The following NXPH1 variants were observed in gnomAD, a reference collection of about 807,000 sequenced individuals.
NXPH1 encodes neurexophilin-1.
In NXPH1, 5 loss-of-function variants were observed where a neutral mutation model predicts 23.7. That is an observed-to-expected ratio of 0.21 (90% CI 0.11 to 0.44). The LOEUF is 0.44. Among genes scored for constraint, NXPH1 ranks in the 20% least tolerant of loss-of-function variants. NXPH1 has a pLI of 0.99. For missense variants in NXPH1, 324 were observed against 321.6 expected (o/e 1.01, Z -0.06); for synonymous variants, 144 against 122.2 (o/e 1.18, Z -1.18).
At position 8,532,337 on chromosome 7, in the gene NXPH1, G is replaced by A. The variant is rs376478142; in HGVS notation, c.54+96570G>A. On this transcript the variant is annotated intron_variant, in intron 2 of 2. Coordinates refer to ENST00000405863, the MANE Select transcript of NXPH1 (RefSeq NM_152745.3). ...CCAGTGTAAGATAAAAATCAATCCCGCTCAAACAGACACCTTCAGGCAGGA... is the reference window on the plus strand; with the variant it reads ...CCAGTGTAAGATAAAAATCAATCCCACTCAAACAGACACCTTCAGGCAGGA... Among the ~76,000 whole-genome samples the A allele has an allele frequency of 1.4e-4, 21 of 151,998 alleles. No homozygotes were observed. In the East Asian group the frequency reaches 3.1e-3, roughly 22 times the overall value.
At chr7:8,465,247 A>G (rs1816766087) in intron 2 of NXPH1, among the ~76,000 whole-genome samples, 1 of 152,236 alleles carries the variant, frequency 6.6e-6, no homozygotes, top group African/African-American at 2.4e-5. Context: ...TTATTATAGC[A>G]TCTTTACAGA....
intron 2 of NXPH1, among the ~76,000 whole-genome samples, chr7:8,661,557 G>A (rs2115162086): frequency 6.6e-6 from 1 of 152,164 alleles, no homozygotes; most frequent in Non-Finnish European, 1.5e-5. Context: ...GGGCTTTACT[G>A]GCCCAACCAG....
chr7:8,674,278 A>G (rs77753632), intron 2 of NXPH1, among the ~76,000 whole-genome samples: 2,652 of 152,140 alleles, frequency 0.017, 79 homozygotes, highest in African/African-American at 0.06. Context: ...GGAAAAATTG[A>G]AGATGAGAAA....
chr7:8,609,732 C>A (rs73676091), intron 2 of NXPH1, among the ~76,000 whole-genome samples: 3 of 152,246 alleles, frequency 2.0e-5, no homozygotes, highest in Admixed American at 6.5e-5. Flanking sequence ...CAACATGACA[C>A]AATTTTAATA....
At chr7:8,653,430 G>A (rs1408579651) in intron 2 of NXPH1, among the ~76,000 whole-genome samples, 1 of 152,096 alleles carries the variant, frequency 6.6e-6, no homozygotes, top group East Asian at 1.9e-4. Flanking sequence ...TATAGCGCTC[G>A]TAAGCTCTGG....
At chr7:8,437,727 C>G (rs974765417) in intron 2 of NXPH1, among the ~76,000 whole-genome samples, 2 of 152,228 alleles carry the variant, frequency 1.3e-5, no homozygotes, top group African/African-American at 2.4e-5. Context: ...CAACAACAAG[C>G]GCATTAATTC....
intron 2 of NXPH1, among the ~76,000 whole-genome samples, chr7:8,713,718 G>C (rs1779832312): frequency 6.6e-6 from 1 of 152,190 alleles, no homozygotes; most frequent in Admixed American, 6.5e-5. Context: ...CAGATTTACA[G>C]AGTTATCACC....
intron 2 of NXPH1, among the ~76,000 whole-genome samples, chr7:8,467,892 G>A (rs1231524973): frequency 1.3e-5 from 2 of 152,104 alleles, no homozygotes; most frequent in African/African-American, 4.8e-5. Context: ...TTTATTTTGA[G>A]TCAGCTTCTA....
intron 2 of NXPH1, among the ~76,000 whole-genome samples, chr7:8,554,568 C>T (rs1183991104): frequency 6.6e-6 from 1 of 151,612 alleles, no homozygotes; most frequent in Admixed American, 6.6e-5. Flanking sequence ...ATCTATGTTC[C>T]ACATACTTCC....
In NXPH1 at chr7:8,599,400, C is replaced by G. The variant is rs926597175; in HGVS notation, c.55-151608C>G. On this transcript the variant is annotated intron_variant, in intron 2 of 2. Coordinates refer to ENST00000405863, the MANE Select transcript of NXPH1 (RefSeq NM_152745.3). ...TCTATTTCCTAATGCTGTGTTACTCCTCTGGGCTCATCATTTTTGAAAATC... is the reference window on the plus strand; with the variant it reads ...TCTATTTCCTAATGCTGTGTTACTCGTCTGGGCTCATCATTTTTGAAAATC... 2.6e-5 allele frequency among the ~76,000 whole-genome samples: 4 copies of G among 152,194 alleles called. No individual in the cohort carries two copies. In the East Asian group the frequency reaches 7.7e-4, roughly 29 times the overall value.
At position 8,751,065 on chromosome 7, in the gene NXPH1, A is replaced by C. The variant is rs376782553; in HGVS notation, c.112A>C (p.Ser38Arg). ...GTCAGAACTTCTGAAATCAGGAAGC[A>C]GCAAATCCACACTAAAGCACATATG... Reference protein sequence around the residue: ...GKSELLKSGSSKSTLKHIWTE... With the variant: ...GKSELLKSGSRKSTLKHIWTE... Residue 38 changes from serine (S) to arginine (R), a missense_variant, in exon 3 of 3, where the codon AGC (serine) becomes CGC (arginine). Coordinates refer to ENST00000405863, the MANE Select transcript of NXPH1 (RefSeq NM_152745.3). This position sits in a 1 kb window ranked among gnomAD's most constrained non-coding sequence, Gnocchi z 4.5. The C allele has an allele frequency of 1.9e-5, 31 of 1,613,776 alleles. No individual in the cohort carries two copies. In the African/African-American group the frequency reaches 3.3e-4, roughly 17 times the overall value.
At chr7:8,446,324 A>G (rs945871001) in intron 2 of NXPH1, among the ~76,000 whole-genome samples, 4 of 152,176 alleles carry the variant, frequency 2.6e-5, no homozygotes, top group African/African-American at 9.7e-5. Context: ...TAAGAGTCCA[A>G]GGTAACATCT....
intron 2 of NXPH1, among the ~76,000 whole-genome samples, chr7:8,633,145 G>A (rs570443202): frequency 1.3e-5 from 2 of 152,146 alleles, no homozygotes; most frequent in Non-Finnish European, 2.9e-5. Flanking sequence ...TAAAATAAAA[G>A]TAACAGGCCG....
chr7:8,720,865 A>C (rs1195999695), intron 2 of NXPH1, among the ~76,000 whole-genome samples: 2 of 152,228 alleles, frequency 1.3e-5, no homozygotes, highest in Non-Finnish European at 2.9e-5. Context: ...TGCAGTGCAC[A>C]TCAGTACAAC....
At chr7:8,585,802 T>C (rs188778448) in intron 2 of NXPH1, among the ~76,000 whole-genome samples, 1 of 152,330 alleles carries the variant, frequency 6.6e-6, no homozygotes, top group Non-Finnish European at 1.5e-5. Flanking sequence ...CTTGGCAATC[T>C]TTTCAGATTC....
intron 2 of NXPH1, among the ~76,000 whole-genome samples, chr7:8,713,421 A>G (rs1323383829): frequency 6.6e-6 from 1 of 152,054 alleles, no homozygotes; most frequent in Non-Finnish European, 1.5e-5. Flanking sequence ...GAAAGGTCAC[A>G]TATCTCTGTC....
intron 2 of NXPH1, among the ~76,000 whole-genome samples, chr7:8,541,587 T>C (rs1027613726): frequency 6.6e-6 from 1 of 151,612 alleles, no homozygotes; most frequent in Non-Finnish European, 1.5e-5. Context: ...TTAAAACTGG[T>C]TGCCACATGG....
intron 2 of NXPH1, among the ~76,000 whole-genome samples, chr7:8,443,144 C>A (rs1816331446): frequency 1.3e-5 from 2 of 152,236 alleles, no homozygotes; most frequent in South Asian, 4.1e-4. Context: ...CTACCCCTTC[C>A]AGCTATTCGG....
intron 2 of NXPH1, among the ~76,000 whole-genome samples, chr7:8,552,095 T>A (rs1190297118): frequency 7.4e-6 from 1 of 136,000 alleles, no homozygotes; most frequent in African/African-American, 3.0e-5. Flanking sequence ...TTAACTCCAA[T>A]TGTCTGCAGA....
Sources: gnomAD v4.1 joint callset for allele counts (sites outside exome capture counted in the v4.1 genomes callset) on GRCh38, gnomAD v4.1.1 for gene constraint, Gnocchi (gnomAD v3.1) non-coding constraint, MANE v1.5 for transcripts, NCBI Gene and HGNC (gene_info 2026-07-23, HGNC 2026-07-21) for gene names.